SCAI: variants seen among roughly 807,000 people sequenced by gnomAD.
The protein encoded by SCAI is protein SCAI.
A neutral mutation model predicts 92.2 loss-of-function variants in SCAI; 24 were observed. The observed-to-expected ratio is 0.26, with a 90% CI of 0.19 to 0.37. SCAI has a LOEUF of 0.37. Among genes scored for constraint, SCAI ranks in the 10% least tolerant of loss-of-function variants. SCAI has a pLI of 1.00. For missense variants in SCAI, 450 were observed against 736.2 expected (o/e 0.61, Z 4.50); for synonymous variants, 261 against 258.6 (o/e 1.01, Z -0.09).
In SCAI at chr9:124,950,233, A is replaced by C. The variant is rs187598555; in HGVS notation, c.*2574T>G. On this transcript the variant is annotated 3_prime_UTR_variant, in exon 18 of 18. Coordinates refer to ENST00000336505, the MANE Select transcript of SCAI (RefSeq NM_001144877.3). The stretch of plus-strand genomic sequence containing the variant: ...GTTCTCTTGGTGGTTGGAGTGGGGA[A>C]ATCAATATTTTTGGAACCAAGAGTC... The C allele has an allele frequency of 2.0e-5, 3 of 152,124 alleles. No individual in the cohort carries two copies. Among genetic ancestry groups the C allele is most frequent in the Admixed American group, 2.0e-4 (3 of 15,284 alleles). The allele number at this position is 152,124 out of a possible 1,614,324, so 9.4% of individuals were successfully genotyped here.
intron 14 of SCAI, among the ~76,000 whole-genome samples, chr9:124,992,307 T>C (rs1457515878): frequency 6.6e-6 from 1 of 152,134 alleles, no homozygotes; most frequent in African/African-American, 2.4e-5. Context: ...TAGTAAGTAA[T>C]ATTAATTTCT....
At chr9:124,954,150 G>A (rs955651898) in intron 17 of SCAI, among the ~76,000 whole-genome samples, 3 of 152,126 alleles carry the variant, frequency 2.0e-5, no homozygotes, top group African/African-American at 4.8e-5. Flanking sequence ...CCTAATTAGA[G>A]GTTTAAATAC....
intron 2 of SCAI, among the ~76,000 whole-genome samples, chr9:125,096,075 A>C (rs1834546182): frequency 6.6e-6 from 1 of 152,016 alleles, no homozygotes; most frequent in African/African-American, 2.4e-5. Context: ...ACATTTATAC[A>C]CTCATCCTGT....
At chr9:125,026,959 A>T (rs752774098) in intron 5 of SCAI, 49 bp from the exon 6 acceptor site, 25 of 1,120,226 alleles carry the variant, frequency 2.2e-5, no homozygotes, top group Non-Finnish European at 1.6e-5. Context: ...GAGACTCTTC[A>T]CCATGGTAAA....
intron 2 of SCAI, among the ~76,000 whole-genome samples, chr9:125,112,414 C>G (rs1834950542): frequency 6.6e-6 from 1 of 152,092 alleles, no homozygotes; most frequent in African/African-American, 2.4e-5. Context: ...CAGAACAGGA[C>G]TGACATTAAC....
chr9:124,967,156 G>T, intron 17 of SCAI, among the ~76,000 whole-genome samples: 1 of 152,186 alleles, frequency 6.6e-6, no homozygotes, highest in East Asian at 1.9e-4. Context: ...AACCCAATAA[G>T]TGTACAATAA....
At chr9:125,125,831 CAAAA>C (rs34484716) in intron 2 of SCAI, among the ~76,000 whole-genome samples, 1 of 81,978 alleles carries the variant, frequency 1.2e-5, no homozygotes, top group Non-Finnish European at 2.5e-5. Context: ...GACTTTGTCT[CAAAA>C]AAAAAAAAAA....
intron 1 of SCAI, 113 bp from the exon 2 acceptor site, chr9:125,142,790 G>C (rs985244485): frequency 1.2e-5 from 10 of 860,244 alleles, no homozygotes; most frequent in Non-Finnish European, 1.8e-5. Context: ...CCACAGGCTC[G>C]CCAAGCCCAG....
intron 2 of SCAI, among the ~76,000 whole-genome samples, chr9:125,125,911 C>CGT (rs1564424077): frequency 2.7e-5 from 1 of 37,414 alleles, no homozygotes; most frequent in Non-Finnish European, 5.4e-5. Flanking sequence ...CGTACACGTA[C>CGT]ACACACACAC....
chr9:125,021,698 C>T (rs1188583613), intron 6 of SCAI, among the ~76,000 whole-genome samples: 1 of 152,086 alleles, frequency 6.6e-6, no homozygotes, highest in East Asian at 1.9e-4. Context: ...CAACATTTTC[C>T]ATAATAAAAT....
At chr9:125,100,646 G>A (rs1834658421) in intron 2 of SCAI, among the ~76,000 whole-genome samples, 1 of 152,122 alleles carries the variant, frequency 6.6e-6, no homozygotes, top group Non-Finnish European at 1.5e-5. Flanking sequence ...TCTAGTAGGG[G>A]GAGACAGTAC....
At position 125,142,730 on chromosome 9, in the gene SCAI, C is replaced by T. The variant is rs143444528; in HGVS notation, c.54-53G>A. 3 of 1,495,814 alleles carry T rather than the reference C, an allele frequency of 2.0e-6. No individual in the cohort carries two copies. In the African/African-American group the frequency reaches 4.1e-5, roughly 21 times the overall value. 92.7% of individuals were successfully genotyped at this position (1,495,814 alleles called of 1,614,324 possible). Reference sequence around the variant, plus strand: ...CTAAAAGTAACATACAAGAAAACATCTCCCGGCGCTACCGTGCCAGTCAAG... The same window carrying T: ...CTAAAAGTAACATACAAGAAAACATTTCCCGGCGCTACCGTGCCAGTCAAG... On this transcript the variant is annotated intron_variant, in intron 1 of 17. Transcript: ENST00000336505.
intron 2 of SCAI, among the ~76,000 whole-genome samples, chr9:125,066,459 TA>T (rs1403001953): frequency 2.0e-4 from 24 of 118,556 alleles, no homozygotes; most frequent in South Asian, 1.6e-3. Flanking sequence ...TTTATTTATT[TA>T]TTTATTTTTT....
Position 124,971,861 on chromosome 9 carries a change from GT to G in SCAI, c.1400-18del. On this transcript the variant is annotated intron_variant, in intron 15 of 17. Coordinates refer to ENST00000336505, the MANE Select transcript of SCAI (RefSeq NM_001144877.3). ...GAGATTGATCTGTAATAACAAACAT[GT>G]TATATATATAGACAATAGTTTTGCA... The G allele has an allele frequency of 6.5e-7, 1 of 1,540,872 alleles. No homozygotes were observed. Among genetic ancestry groups the G allele is most frequent in the Non-Finnish European group, 8.8e-7 (1 of 1,142,756 alleles).
chr9:125,088,327 C>T (rs1481274195), intron 2 of SCAI, among the ~76,000 whole-genome samples: 1 of 152,170 alleles, frequency 6.6e-6, no homozygotes, highest in Admixed American at 6.6e-5. Context: ...GAGGAGGGGC[C>T]TGATAGGAGG....
chr9:125,023,899 A>T (rs1832915807), intron 6 of SCAI, among the ~76,000 whole-genome samples: 1 of 152,034 alleles, frequency 6.6e-6, no homozygotes, highest in Non-Finnish European at 1.5e-5. Context: ...ATCAAGCCCG[A>T]TAACCTGAAC....
chr9:125,014,721 C>T (rs1832714254), intron 9 of SCAI, among the ~76,000 whole-genome samples: 1 of 152,162 alleles, frequency 6.6e-6, no homozygotes, highest in African/African-American at 2.4e-5. Flanking sequence ...CCCGCATCGC[C>T]AAGTCAATCC....
At chr9:124,999,721 G>A (rs1444151702) in intron 13 of SCAI, among the ~76,000 whole-genome samples, 170 bp downstream of exon 13, 1 of 152,122 alleles carries the variant, frequency 6.6e-6, no homozygotes, top group African/African-American at 2.4e-5. Context: ...AGGATAGACA[G>A]AGCCTGAATT....
intron 9 of SCAI, among the ~76,000 whole-genome samples, chr9:125,011,392 G>A (rs985832087): frequency 2.4e-4 from 36 of 152,316 alleles, no homozygotes; most frequent in Non-Finnish European, 2.2e-4. Context: ...GAATGCAGAA[G>A]CCTCAGGAGC....
Sources: allele counts gnomAD v4.1 joint callset (sites outside exome capture counted in the v4.1 genomes callset), GRCh38; gene constraint gnomAD v4.1.1; transcripts MANE v1.5; gene names NCBI Gene and HGNC (gene_info 2026-07-23, HGNC 2026-07-21).